Variants in AKAP9 observed in about 807,000 individuals in gnomAD.
AKAP9 encodes A-kinase anchor protein 9.
A neutral mutation model predicts 488.5 loss-of-function variants in AKAP9; 311 were observed. The ratio of observed to expected loss-of-function variants is 0.64; its 90% CI spans 0.58 to 0.70. The LOEUF (loss-of-function observed/expected upper bound fraction) is 0.70. Among genes scored for constraint, AKAP9 ranks in the 30% least tolerant of loss-of-function variants. AKAP9 has a pLI of 0.00. For synonymous variants in AKAP9, 1,462 were observed against 1,483.5 expected, an observed-to-expected ratio of 0.99 and a Z score of 0.33; for missense variants, 4,215 against 4,374.5, an observed-to-expected ratio of 0.96 and a Z score of 1.03.
Position 91,992,209 on chromosome 7 carries a change from A to C in AKAP9, c.403A>C (p.Arg135=). 2.5e-6 allele frequency: 4 copies of C among 1,604,380 alleles called. No homozygotes were observed. The highest frequency in any genetic ancestry group is 3.4e-6 in the Non-Finnish European group (4 of 1,171,312). The change falls in exon 4 of 50, where the codon AGG becomes CGG. Residue 135 remains arginine (R), a splice_region_variant and synonymous_variant. Coordinates refer to ENST00000356239, the MANE Select transcript of AKAP9 (RefSeq NM_005751.5). ...MRTGKPTNLL[R]EEEFGVDDSY... is the part of the protein sequence containing the mutation. ...AACAGGAAAGCCTACAAATTTATTA[A>C]GGGTACAGTATTTAAAACTACTTGT...
chr7:92,085,351 A>G (rs1814340430), intron 35 of AKAP9, 144 bp from the exon 36 acceptor site: 4 of 788,230 alleles, frequency 5.1e-6, no homozygotes, highest in Non-Finnish European at 8.3e-6. Context: ...TTACCCCTCC[A>G]CAGGAAGAAG....
Position 92,086,347 on chromosome 7 carries a change from G to A in AKAP9, c.9144G>A (p.Glu3048=). 6.2e-7 allele frequency: 1 copy of A among 1,613,934 alleles called. No homozygotes were observed. The highest frequency in any genetic ancestry group is 8.5e-7 in the Non-Finnish European group (1 of 1,179,948). The change falls in exon 37 of 50, where the codon GAG becomes GAA. Residue 3048 remains glutamate, a synonymous_variant. Coordinates refer to ENST00000356239, the MANE Select transcript of AKAP9 (RefSeq NM_005751.5). ...TTTTACTAGCAGCATTTCGGACGGA[G>A]CTGACAGCTCTAGGTACTACAGATG... is the stretch of plus-strand genomic sequence containing the variant. ...RSVLLAAFRT[E]LTALGTTDAV...
intron 1 of AKAP9, among the ~76,000 whole-genome samples, chr7:91,953,613 G>A (rs1333415213): frequency 1.3e-5 from 2 of 152,174 alleles, no homozygotes; most frequent in African/African-American, 4.8e-5. Context: ...AGAAGTGTCA[G>A]TCATTATCAT....
At chr7:91,961,281 AAATCCCGAGTAGCTGT>A (rs1562899200) in intron 1 of AKAP9, among the ~76,000 whole-genome samples, 3 of 151,850 alleles carry the variant, frequency 2.0e-5, no homozygotes, top group Admixed American at 6.5e-5. Flanking sequence ...TGCCTCAGTA[AAATCCCGAGTAGCTGT>A]AATCCCGAGT....
In AKAP9 at chr7:92,015,951, A is replaced by G. The variant is rs10263309; in HGVS notation, c.3613-178A>G. On this transcript the variant is annotated intron_variant, in intron 10 of 49. Transcript: ENST00000356239. ...TCCTGATATAAGAAGATTTCATGCC[A>G]GAGAGATAGATTTAGACTTGTTTCT... Among the ~76,000 whole-genome samples the G allele has an allele frequency of 0.4, 60,863 of 152,006 alleles. 12,480 individuals carry two copies. The highest frequency in any genetic ancestry group is 0.46 in the African/African-American group (19,204 of 41,432).
intron 1 of AKAP9, among the ~76,000 whole-genome samples, chr7:91,965,033 AT>A (rs1301674241): frequency 6.6e-6 from 1 of 152,202 alleles, no homozygotes; most frequent in Non-Finnish European, 1.5e-5. Flanking sequence ...ATATTCAAAT[AT>A]TTTTTAGAAA....
rs1016368660 is a variant in AKAP9, at chr7:92,038,494, G to A, written c.4414G>A (p.Ala1472Thr). ...SRISGGKENT[A>T]SSKQAHAVCQ... ...AATATCTGGGGGAAAAGAAAATACT[G>A]CATCATCAAAGCAAGCACATGCTGT... The change falls in exon 17 of 50, where the codon GCA (alanine) becomes ACA (threonine). Residue 1472 changes from alanine to threonine, a missense_variant. This residue lies in a region of AKAP9 where 2,361 missense variants were observed against 2,430.0 expected (regional missense o/e 0.97). Transcript: ENST00000356239. 2.3e-5 allele frequency: 37 copies of A among 1,613,794 alleles called. No individual in the cohort carries two copies. Among genetic ancestry groups the A allele is most frequent in the Non-Finnish European group, 3.1e-5 (36 of 1,179,918 alleles).
intron 1 of AKAP9, among the ~76,000 whole-genome samples, chr7:91,961,277 A>G (rs1793696285): frequency 6.6e-6 from 1 of 151,682 alleles, no homozygotes; most frequent in African/African-American, 2.4e-5. Context: ...TTACTGCCTC[A>G]GTAAAATCCC....
chr7:91,982,879 T>C lies in AKAP9; in HGVS notation c.351+2546T>C, dbSNP rs530029860. 4.6e-5 allele frequency among the ~76,000 whole-genome samples: 7 copies of C among 152,300 alleles called. No homozygotes were observed. In the East Asian group the frequency reaches 1.2e-3, roughly 25 times the overall value. On this transcript the variant is annotated intron_variant, in intron 3 of 49. Transcript: ENST00000356239. ...TCTCCTGACTTTTTAATGATTGCCA[T>C]TCTAACTGGTATGAGATGGTATCTC...
At chr7:92,020,777 T>A (rs1175083137) in intron 12 of AKAP9, among the ~76,000 whole-genome samples, 1 of 152,238 alleles carries the variant, frequency 6.6e-6, no homozygotes, top group Non-Finnish European at 1.5e-5. Flanking sequence ...ATTTACCTGA[T>A]GATCTTTATT....
At chr7:92,101,216 C>A (rs373594843) in intron 45 of AKAP9, among the ~76,000 whole-genome samples, 160 bp downstream of exon 45, 29 of 152,224 alleles carry the variant, frequency 1.9e-4, no homozygotes, top group African/African-American at 6.7e-4. Context: ...ATGGGCAGAT[C>A]ACGAGGTCAG....
chr7:92,002,653 G>T lies in AKAP9; in HGVS notation c.2736G>T (p.Met912Ile). Reference protein sequence around the residue: ...LQRINPTTVKMKSSVFDEDKT... With the variant: ...LQRINPTTVKIKSSVFDEDKT... ...GAATAAATCCAACTACAGTGAAAAT[G>T]AAAAGTTCTGTCTTTGATGAAGACA... The change falls in exon 8 of 50, where the codon ATG becomes ATT. Residue 912 changes from methionine to isoleucine, a missense_variant. Physicochemically the swap from Met to Ile is conservative, Grantham distance 10. This residue lies in a region of AKAP9 where 2,361 missense variants were observed against 2,430.0 expected (regional missense o/e 0.97). Transcript: ENST00000356239. 1.9e-6 allele frequency: 3 copies of T among 1,613,252 alleles called. 1 individual carries two copies. The highest frequency in any genetic ancestry group is 2.2e-5 in the South Asian group (2 of 91,012).
At chr7:91,948,605 C>CTTTTTTTTTTTTTTTTTTTTTTTTTTTT in intron 1 of AKAP9, among the ~76,000 whole-genome samples, 1 of 107,564 alleles carries the variant, frequency 9.3e-6, no homozygotes, top group Non-Finnish European at 1.8e-5. Context: ...TTGTAGATTT[C>CTTTTTTTTTTTTTTTTTTTTTTTTTTTT]TTTTTTTTTT....
chr7:92,077,242 A>G (rs1236775476), intron 29 of AKAP9, among the ~76,000 whole-genome samples: 6 of 151,382 alleles, frequency 4.0e-5, no homozygotes, highest in Non-Finnish European at 5.9e-5. Context: ...ATAGGCACGT[A>G]CCACCACGCC....
Position 92,083,164 on chromosome 7 carries a change from T to A in AKAP9, c.8161-6T>A, listed in dbSNP as rs554984079. On this transcript the variant is annotated splice_region_variant and splice_polypyrimidine_tract_variant and intron_variant, in intron 32 of 49. Coordinates refer to ENST00000356239, the MANE Select transcript of AKAP9 (RefSeq NM_005751.5). ...ATGCCCTACTGTTCTATTCATTACGTTTTAGGTAAAAGAAACAAATATGAC... is the reference window on the plus strand; with the variant it reads ...ATGCCCTACTGTTCTATTCATTACGATTTAGGTAAAAGAAACAAATATGAC... 1.8e-5 allele frequency: 29 copies of A among 1,613,764 alleles called. No homozygotes were observed. The East Asian group carries it at 4.2e-4, about 24-fold the overall frequency.
chr7:91,975,950 C>A (rs1369243533), intron 2 of AKAP9, among the ~76,000 whole-genome samples: 1 of 131,928 alleles, frequency 7.6e-6, no homozygotes, highest in African/African-American at 3.0e-5. Context: ...GAGACAAAGT[C>A]TCGCTTTGAC....
intron 21 of AKAP9, among the ~76,000 whole-genome samples, chr7:92,046,329 T>TTC (rs1806996229): frequency 2.0e-5 from 3 of 152,228 alleles, no homozygotes; most frequent in Non-Finnish European, 4.4e-5. Flanking sequence ...ACTCAAGCAC[T>TTC]TCTCCCATAG....
intron 37 of AKAP9, among the ~76,000 whole-genome samples, chr7:92,087,169 G>A (rs1213409591): frequency 6.6e-6 from 1 of 152,190 alleles, no homozygotes; most frequent in Non-Finnish European, 1.5e-5. Context: ...CACAACAATG[G>A]ATTTGGGAGT....
At chr7:91,990,293 C>T (rs1797597502) in intron 3 of AKAP9, among the ~76,000 whole-genome samples, 2 of 151,982 alleles carry the variant, frequency 1.3e-5, no homozygotes, top group Admixed American at 6.5e-5. Flanking sequence ...GATAAATACT[C>T]TACCCTTTAG....
Sources: allele counts gnomAD v4.1 joint callset (sites outside exome capture counted in the v4.1 genomes callset), GRCh38; gene constraint gnomAD v4.1.1; regional missense constraint gnomAD v4.1.1; transcripts MANE v1.5; gene names NCBI Gene and HGNC (gene_info 2026-07-23, HGNC 2026-07-21).